Variants in EPC1 observed in about 807,000 individuals in gnomAD.
The protein encoded by EPC1 is enhancer of polycomb homolog 1.
A neutral mutation model predicts 98.4 loss-of-function variants in EPC1; 12 were observed. That is an observed-to-expected ratio of 0.12 (90% CI 0.08 to 0.20). The LOEUF (loss-of-function observed/expected upper bound fraction) is 0.20, where lower values mean the gene tolerates loss of function less well. Among genes scored for constraint, EPC1 ranks in the 10% least tolerant of loss-of-function variants. The probability of loss-of-function intolerance (pLI) is 1.00; values close to 1 mark genes in which losing one functional copy is unlikely to be tolerated. For missense variants in EPC1, 729 were observed against 990.5 expected, an observed-to-expected ratio of 0.74 and a Z score of 3.54; for synonymous variants, 357 against 363.9, an observed-to-expected ratio of 0.98 and a Z score of 0.21.
rs1237028745 is a variant in EPC1 at position 32,346,856 on chromosome 10, G to A, written c.60C>T (p.Phe20=). ...GCAGGTCGGGCAGATCCTCACAGCG[G>A]AAAACCGGCAGCGGCTTCGAGGCGT... ...ALDASKPLPV[F]RCEDLPDLHE... The change falls in exon 1 of 14, where the codon TTC becomes TTT. Residue 20 remains phenylalanine (F), a synonymous_variant. Coordinates refer to ENST00000319778, the MANE Select transcript of EPC1 (RefSeq NM_001272004.3). 1 of 1,614,186 alleles carries A rather than the reference G, an allele frequency of 6.2e-7. No homozygotes were observed. The highest frequency in any genetic ancestry group is 1.7e-5 in the Admixed American group (1 of 60,036).
chr10:32,354,848 C>A (rs965267731), intron 1 of EPC1, among the ~76,000 whole-genome samples: 1 of 152,032 alleles, frequency 6.6e-6, no homozygotes, highest in African/African-American at 2.4e-5. Flanking sequence ...CTGAGCTGCA[C>A]ATTGAGGGAT....
At position 32,361,716 on chromosome 10, in the gene EPC1, C is replaced by T. The variant is rs546154798; in HGVS notation, c.3+16775G>A. On this transcript the variant is annotated intron_variant, in intron 1 of 13. Transcript: ENST00000375110. The stretch of plus-strand genomic sequence containing the variant: ...GGAGACTGCTTTGAGAGATAATAGT[C>T]AATTTACAGCCCCAAATGTCAGAGG... Among the ~76,000 whole-genome samples, 5 of 152,274 alleles carry T rather than the reference C, an allele frequency of 3.3e-5. No homozygotes were observed. The South Asian group carries it at 1.0e-3, about 32-fold the overall frequency.
Position 32,347,071 on chromosome 10 carries a change from G to A in EPC1, c.-156C>T, listed in dbSNP as rs1838889943. The A allele has an allele frequency of 3.3e-5, 48 of 1,455,014 alleles. No homozygotes were observed. The South Asian group carries it at 5.2e-4, about 16-fold the overall frequency. The allele number at this position is 1,455,014 out of a possible 1,614,324, so 90.1% of individuals were successfully genotyped here. ...GTCCGGGCACTAACACCAGCCGGGA[G>A]GGTGGGAGGCTGTGCCGCTCCGCTC... is the stretch of plus-strand genomic sequence containing the variant. On this transcript the variant is annotated 5_prime_UTR_variant, in exon 1 of 14. Transcript: ENST00000319778.
chr10:32,319,464 A>T (rs1268330847), intron 1 of EPC1, among the ~76,000 whole-genome samples: 1 of 152,282 alleles, frequency 6.6e-6, no homozygotes, highest in East Asian at 1.9e-4. Context: ...GAAAATTACC[A>T]TTACCAGTGA....
chr10:32,363,424 G>T (rs563721845), intron 1 of EPC1, among the ~76,000 whole-genome samples: 36 of 149,568 alleles, frequency 2.4e-4, no homozygotes, highest in Non-Finnish European at 4.8e-4. Flanking sequence ...TTCACTGTAG[G>T]GTGGAAAGTC....
chr10:32,374,862 A>G (rs1839839951), intron 1 of EPC1, among the ~76,000 whole-genome samples: 1 of 152,158 alleles, frequency 6.6e-6, no homozygotes, highest in Non-Finnish European at 1.5e-5. Context: ...GGGAAGATCT[A>G]GAATAAACAA....
chr10:32,364,260 T>G (rs1364832724), intron 1 of EPC1, among the ~76,000 whole-genome samples: 1 of 151,782 alleles, frequency 6.6e-6, no homozygotes, highest in East Asian at 1.9e-4. Context: ...TCTCGAACTC[T>G]TGTCCTCAGG....
intron 1 of EPC1, among the ~76,000 whole-genome samples, chr10:32,366,377 GTAACATTTTAAA>G (rs1408115455): frequency 6.6e-6 from 1 of 151,974 alleles, no homozygotes; most frequent in Non-Finnish European, 1.5e-5. Context: ...AGTTTGAAAG[GTAACATTTTAAA>G]TAACTTGATA....
chr10:32,329,056 C>G (rs1246307893), intron 1 of EPC1, among the ~76,000 whole-genome samples: 2 of 152,168 alleles, frequency 1.3e-5, no homozygotes, highest in Non-Finnish European at 2.9e-5. Flanking sequence ...AAACCTTGGC[C>G]TACTTGTTAA....
intron 1 of EPC1, among the ~76,000 whole-genome samples, chr10:32,355,161 A>G (rs904045259): frequency 2.0e-5 from 3 of 152,204 alleles, no homozygotes; most frequent in South Asian, 2.1e-4. Context: ...ACTGGGGACC[A>G]CTGCTGTAAA....
At chr10:32,334,310 C>T (rs998051400) in intron 1 of EPC1, among the ~76,000 whole-genome samples, 4 of 152,130 alleles carry the variant, frequency 2.6e-5, no homozygotes, top group Non-Finnish European at 4.4e-5. Flanking sequence ...GGTAACATAT[C>T]GCTTTGGCTT....
intron 1 of EPC1, among the ~76,000 whole-genome samples, chr10:32,346,013 G>A (rs1204985222): frequency 1.3e-5 from 2 of 152,326 alleles, no homozygotes; most frequent in East Asian, 3.9e-4. Flanking sequence ...GTCAGGGATA[G>A]TGGTTTATTA....
At chr10:32,292,413 T>C in intron 5 of EPC1, 83 bp downstream of exon 5, 1 of 992,530 alleles carries the variant, frequency 1.0e-6, no homozygotes, top group Admixed American at 2.8e-5. Flanking sequence ...GTAATTAGAT[T>C]ATTGCATAGG....
intron 10 of EPC1, among the ~76,000 whole-genome samples, chr10:32,275,731 C>T (rs752877872): frequency 5.3e-4 from 80 of 151,446 alleles, no homozygotes; most frequent in Non-Finnish European, 7.5e-4. Flanking sequence ...GCCGAGATCG[C>T]GTCACTGCAC....
upstream of EPC1, chr10:32,347,269 CGT>C: frequency 1.9e-6 from 2 of 1,074,528 alleles, no homozygotes; most frequent in Non-Finnish European, 2.3e-6. Flanking sequence ...ACGAAGCGCG[CGT>C]CCCGCCAACC....
upstream of EPC1, among the ~76,000 whole-genome samples, chr10:32,349,805 G>A (rs1233820325): frequency 6.6e-6 from 1 of 152,024 alleles, no homozygotes; most frequent in Non-Finnish European, 1.5e-5. Context: ...TCCCTCTGTT[G>A]CCCAGGCTGC....
intron 1 of EPC1, among the ~76,000 whole-genome samples, chr10:32,314,386 A>G (rs1375314937): frequency 6.6e-6 from 1 of 152,194 alleles, no homozygotes; most frequent in East Asian, 1.9e-4. Flanking sequence ...ACCCAGCTCC[A>G]AAAGTATTCA....
At chr10:32,339,281 G>T (rs2133019957) in intron 1 of EPC1, among the ~76,000 whole-genome samples, 1 of 152,326 alleles carries the variant, frequency 6.6e-6, no homozygotes, top group South Asian at 2.1e-4. Flanking sequence ...TAGGCCTACT[G>T]CATCTTACAG....
Position 32,356,042 on chromosome 10 carries a change from G to A in EPC1, c.3+22449C>T, listed in dbSNP as rs544178872. On this transcript the variant is annotated intron_variant, in intron 1 of 13. Transcript: ENST00000375110. ...AAGGAACAAAATTTAGAGAAAAATT[G>A]TTAATGAAGTAGAAACATATGTTGG... 4.0e-5 allele frequency among the ~76,000 whole-genome samples: 6 copies of A among 151,678 alleles called. No homozygotes were observed. The East Asian group carries it at 1.2e-3, about 29-fold the overall frequency.
Sources: allele counts gnomAD v4.1 joint callset (sites outside exome capture counted in the v4.1 genomes callset), GRCh38; gene constraint gnomAD v4.1.1; transcripts MANE v1.5; gene names NCBI Gene and HGNC (gene_info 2026-07-23, HGNC 2026-07-21).